The following MMP28 variants were observed in gnomAD, a reference collection of about 807,000 sequenced individuals.
MMP28 encodes matrix metalloproteinase-28.
Under a neutral mutation model 60.5 loss-of-function variants are expected in MMP28, and 55 were observed. The observed-to-expected ratio is 0.91, with a 90% CI of 0.73 to 1.14. The LOEUF is 1.14. MMP28 is among the 50% of genes most tolerant of loss of function. The probability of loss-of-function intolerance (pLI) is 0.00; values close to 1 mark genes in which losing one functional copy is unlikely to be tolerated. For synonymous variants in MMP28, 318 were observed against 312.5 expected (o/e 1.02, Z -0.18); for missense variants, 686 against 738.3 (o/e 0.93, Z 0.82).
intron 1 of MMP28, among the ~76,000 whole-genome samples, chr17:35,792,061 C>A (rs1343402802): frequency 2.0e-5 from 3 of 152,132 alleles, no homozygotes; most frequent in Admixed American, 1.3e-4. Flanking sequence ...AAGCAAAGAA[C>A]TGGGGCAACT....
At chr17:35,778,587 A>T (rs2086400861) in intron 3 of MMP28, 3 of 497,826 alleles carry the variant, frequency 6.0e-6, no homozygotes, top group Non-Finnish European at 1.0e-5. Context: ...TAAATGAAAA[A>T]TGTTAGCAAC....
chr17:35,787,660 C>T (rs1555610804), intron 1 of MMP28, among the ~76,000 whole-genome samples: 1 of 151,930 alleles, frequency 6.6e-6, no homozygotes, highest in East Asian at 1.9e-4. Context: ...CGGCTAATTT[C>T]GTATTTTTAG....
intron 3 of MMP28, among the ~76,000 whole-genome samples, chr17:35,776,301 A>G (rs766129818): frequency 1.3e-4 from 19 of 151,778 alleles, no homozygotes; most frequent in African/African-American, 9.7e-5. Flanking sequence ...TCTCCCGAGT[A>G]TCTGGGATTA....
At chr17:35,773,108 T>C in intron 4 of MMP28, 72 bp downstream of exon 4, 1 of 1,418,398 alleles carries the variant, frequency 7.1e-7, no homozygotes, top group Non-Finnish European at 9.6e-7. Context: ...AATGCTTCAT[T>C]GCCACCCCCA....
intron 3 of MMP28, among the ~76,000 whole-genome samples, chr17:35,775,220 AGGGGAG>A (rs2143358882): frequency 6.6e-6 from 1 of 152,332 alleles, no homozygotes; most frequent in Admixed American, 6.5e-5. Context: ...TGAGAGGACC[AGGGGAG>A]GGGGTGTCGC....
At chr17:35,790,684 T>C (rs2086788571) in intron 1 of MMP28, among the ~76,000 whole-genome samples, 1 of 152,088 alleles carries the variant, frequency 6.6e-6, no homozygotes, top group South Asian at 2.1e-4. Context: ...CAAATATATA[T>C]ACACAGAAAT....
intron 3 of MMP28, among the ~76,000 whole-genome samples, chr17:35,775,226 G>C (rs879768494): frequency 6.6e-6 from 1 of 152,230 alleles, no homozygotes; most frequent in Non-Finnish European, 1.5e-5. Flanking sequence ...GACCAGGGGA[G>C]GGGGTGTCGC....
In MMP28 at chr17:35,770,091, C is replaced by T; in HGVS notation, c.826G>A (p.Val276Met). Residue 276 changes from valine to methionine, a missense_variant, in exon 5 of 8, where the codon GTG becomes ATG. Coordinates refer to ENST00000605424, the MANE Select transcript of MMP28 (RefSeq NM_024302.5). Reference sequence around the variant, plus strand: ...CCATACAGGCTCTGCACGGCCAGCACGTCGTCCCAGCTGAGCAGCGCGTCG... The same window carrying T: ...CCATACAGGCTCTGCACGGCCAGCATGTCGTCCCAGCTGAGCAGCGCGTCG... ...GRDALLSWDD[V>M]LAVQSLYGKP... 3.1e-6 allele frequency: 5 copies of T among 1,594,126 alleles called. No homozygotes were observed. The highest frequency in any genetic ancestry group is 4.3e-6 in the Non-Finnish European group (5 of 1,171,154).
At chr17:35,762,112 T>A (rs2085832608), downstream of MMP28, among the ~76,000 whole-genome samples, 1 of 152,142 alleles carries the variant, frequency 6.6e-6, no homozygotes, top group African/African-American at 2.4e-5. Flanking sequence ...TGCCTCAGCC[T>A]CCTGAATAGC....
downstream of MMP28, chr17:35,764,650 T>C: frequency 1.9e-6 from 3 of 1,538,978 alleles, no homozygotes; most frequent in Non-Finnish European, 2.6e-6. Flanking sequence ...GTGCCCTCCA[T>C]CATTTCCTGG....
intron 1 of MMP28, 118 bp from the exon 2 acceptor site, chr17:35,779,441 G>T: frequency 2.5e-6 from 2 of 785,548 alleles, no homozygotes; most frequent in Non-Finnish European, 4.2e-6. Context: ...GCCCAAGAGG[G>T]TCTATAAGCT....
chr17:35,766,788 A>C lies in MMP28; in HGVS notation c.1275T>G (p.Pro425=), dbSNP rs1555603487. The C allele has an allele frequency of 2.5e-6, 4 of 1,573,464 alleles. No individual in the cohort carries two copies. In the Admixed American group the frequency reaches 7.4e-5, roughly 29 times the overall value. The change falls in exon 8 of 8, where the codon CCT becomes CCG. Residue 425 remains proline (P), a synonymous_variant. Transcript: ENST00000605424. The surrounding 1 kb of genome is among the most constrained non-coding windows in gnomAD (Gnocchi z 4.3). ...TGAAGAGGATGAGGCGGCGCAGAGGAGGGAAGAAGAGGGCGGCGTCAGGAT... is the reference window on the plus strand; with the variant it reads ...TGAAGAGGATGAGGCGGCGCAGAGGCGGGAAGAAGAGGGCGGCGTCAGGAT... ...PRHPDAALFF[P]PLRRLILFKG...
At chr17:35,783,508 G>A (rs1435757842) in intron 1 of MMP28, among the ~76,000 whole-genome samples, 1 of 152,150 alleles carries the variant, frequency 6.6e-6, no homozygotes, top group Non-Finnish European at 1.5e-5. Context: ...CTTTCTAAAG[G>A]TAGCCAGGGA....
At chr17:35,788,249 A>G (rs1473613579) in intron 1 of MMP28, among the ~76,000 whole-genome samples, 3 of 152,116 alleles carry the variant, frequency 2.0e-5, no homozygotes, top group Non-Finnish European at 2.9e-5. Flanking sequence ...GGAAAACACT[A>G]GCCAGTTAGT....
chr17:35,789,656 G>C (rs1034717076), intron 1 of MMP28, among the ~76,000 whole-genome samples: 6 of 151,968 alleles, frequency 3.9e-5, no homozygotes, highest in Non-Finnish European at 8.8e-5. Context: ...GGGTAATTTA[G>C]GAGTGTGTTG....
At chr17:35,761,014 A>G (rs1326467994), downstream of MMP28, 18 of 1,565,256 alleles carry the variant, frequency 1.1e-5, no homozygotes, top group Non-Finnish European at 1.6e-5. Flanking sequence ...CCTAGCTTGG[A>G]CAATCCAGCC....
At chr17:35,773,540 C>T (rs921339583) in intron 3 of MMP28, 136 bp from the exon 4 acceptor site, 2 of 759,474 alleles carry the variant, frequency 2.6e-6, no homozygotes, top group African/African-American at 3.5e-5. Flanking sequence ...AGTTTTTGCC[C>T]TGGGCAGCTC....
At chr17:35,792,266 T>C (rs1179478703) in intron 1 of MMP28, among the ~76,000 whole-genome samples, 1 of 151,896 alleles carries the variant, frequency 6.6e-6, no homozygotes, top group Non-Finnish European at 1.5e-5. Context: ...GTAGAAGCAA[T>C]AGTAGGTCAT....
downstream of MMP28, chr17:35,764,580 C>T (rs1208089126): frequency 6.3e-7 from 1 of 1,594,806 alleles, no homozygotes; most frequent in Non-Finnish European, 8.5e-7. Flanking sequence ...TCTGGATCAC[C>T]CGGATCTGGG....
Sources: gnomAD v4.1 joint callset for allele counts (sites outside exome capture counted in the v4.1 genomes callset) on GRCh38, gnomAD v4.1.1 for gene constraint, Gnocchi (gnomAD v3.1) non-coding constraint, MANE v1.5 for transcripts, NCBI Gene and HGNC (gene_info 2026-07-23, HGNC 2026-07-21) for gene names.